COMMD1: variants seen among roughly 807,000 people sequenced by gnomAD.
COMMD1 encodes copper metabolism domain containing 1.
Under a neutral mutation model 17.2 loss-of-function variants are expected in COMMD1, and 10 were observed. That is an observed-to-expected ratio of 0.58 (90% CI 0.36 to 0.99). The LOEUF (loss-of-function observed/expected upper bound fraction) is 0.99, where lower values mean the gene tolerates loss of function less well. Ranked by LOEUF, COMMD1 falls within the 50% of genes least tolerant of loss-of-function variation. The pLI is 0.01. For synonymous variants in COMMD1, 97 were observed against 91.6 expected (o/e 1.06, Z -0.34); for missense variants, 270 against 231.8 (o/e 1.17, Z -1.07).
At chr2:62,079,499 A>G (rs1439958524) in intron 2 of COMMD1, among the ~76,000 whole-genome samples, 1 of 152,190 alleles carries the variant, frequency 6.6e-6, no homozygotes, top group Non-Finnish European at 1.5e-5. Flanking sequence ...CTTCACCGGA[A>G]ACATCTAGAG....
chr2:62,110,309 G>A (rs1347400580), intron 2 of COMMD1, among the ~76,000 whole-genome samples: 6 of 152,002 alleles, frequency 3.9e-5, no homozygotes, highest in Non-Finnish European at 1.5e-5. Flanking sequence ...AGGCTCAAGC[G>A]ATCTTCCTGC....
intron 1 of COMMD1, among the ~76,000 whole-genome samples, chr2:61,894,909 G>A (rs1036839742): frequency 6.6e-6 from 1 of 152,004 alleles, no homozygotes; most frequent in African/African-American, 2.4e-5. Context: ...CGTTGGCCAG[G>A]CTGGTCTCAA....
chr2:62,016,206 C>CTTTTTTT (rs769583167), intron 2 of COMMD1, among the ~76,000 whole-genome samples: 15 of 112,252 alleles, frequency 1.3e-4, no homozygotes, highest in Non-Finnish European at 1.8e-4. Context: ...CTTTTCTTTT[C>CTTTTTTT]TTTTTTTTTT....
chr2:61,955,954 T>G (rs1442574428), intron 1 of COMMD1, among the ~76,000 whole-genome samples: 1 of 152,232 alleles, frequency 6.6e-6, no homozygotes, highest in South Asian at 2.1e-4. Flanking sequence ...CCCAAAGTGC[T>G]GGGATCACAG....
intron 2 of COMMD1, among the ~76,000 whole-genome samples, chr2:62,019,327 C>G (rs1339128038): frequency 6.6e-6 from 1 of 151,836 alleles, no homozygotes; most frequent in East Asian, 1.9e-4. Context: ...GCACCCACCG[C>G]CACACCCAGC....
intron 2 of COMMD1, among the ~76,000 whole-genome samples, chr2:62,054,593 C>A (rs1053950293): frequency 1.1e-4 from 17 of 152,098 alleles, no homozygotes; most frequent in African/African-American, 3.9e-4. Flanking sequence ...TTAAGTGAAA[C>A]AAGCCAGGCA....
Position 61,947,191 on chromosome 2 carries a change from A to G in COMMD1, c.180+41333A>G, listed in dbSNP as rs933961876. 2.6e-5 allele frequency among the ~76,000 whole-genome samples: 4 copies of G among 152,224 alleles called. No homozygotes were observed. The South Asian group carries it at 6.2e-4, about 24-fold the overall frequency. On this transcript the variant is annotated intron_variant, in intron 1 of 2. Coordinates refer to ENST00000311832, the MANE Select transcript of COMMD1 (RefSeq NM_152516.4). ...CTTTAGTTTCTCTATAAAAATAAGT[A>G]CTAAAAGCATATATAATTTAAACTT...
intron 1 of COMMD1, among the ~76,000 whole-genome samples, chr2:61,914,757 C>T (rs1670006695): frequency 6.6e-6 from 1 of 151,718 alleles, no homozygotes; most frequent in Non-Finnish European, 1.5e-5. Context: ...GTGGTGCAAA[C>T]TTGGCTCACT....
chr2:62,003,230 C>CAAAAAAAA (rs755266437), intron 2 of COMMD1, among the ~76,000 whole-genome samples: 1 of 129,762 alleles, frequency 7.7e-6, no homozygotes, highest in African/African-American at 3.1e-5. Flanking sequence ...GGCGCTGTCT[C>CAAAAAAAA]AAAAAAAAAA....
chr2:61,950,236 G>T (rs1316936773), intron 1 of COMMD1, among the ~76,000 whole-genome samples: 1 of 152,134 alleles, frequency 6.6e-6, no homozygotes, highest in Non-Finnish European at 1.5e-5. Flanking sequence ...TGGGATTTCA[G>T]TTGCAGTTTC....
At chr2:62,095,319 A>G (rs1184970757) in intron 2 of COMMD1, among the ~76,000 whole-genome samples, 1 of 152,232 alleles carries the variant, frequency 6.6e-6, no homozygotes, top group Non-Finnish European at 1.5e-5. Flanking sequence ...TAAACACTCC[A>G]CAAACCTCCC....
chr2:62,052,522 T>G (rs1168730435), intron 2 of COMMD1, among the ~76,000 whole-genome samples: 1 of 152,126 alleles, frequency 6.6e-6, no homozygotes, highest in Non-Finnish European at 1.5e-5. Flanking sequence ...ACATCACACA[T>G]CAGGTAATAG....
rs927982666 is a variant in COMMD1, at chr2:62,133,832, CT to C, written c.463-1990del. Among the ~76,000 whole-genome samples, 3 of 151,248 alleles carry C rather than the reference CT, an allele frequency of 2.0e-5. No homozygotes were observed. In the East Asian group the frequency reaches 5.8e-4, roughly 29 times the overall value. ...GGATTTATGGCAGTTCTCACCCTCT[CT>C]TTTTTTTTGAGACAAGGTCTCACCA... On this transcript the variant is annotated intron_variant, in intron 2 of 2. Coordinates refer to ENST00000311832, the MANE Select transcript of COMMD1 (RefSeq NM_152516.4).
At chr2:62,044,596 T>C (rs1670328683) in intron 2 of COMMD1, among the ~76,000 whole-genome samples, 1 of 152,232 alleles carries the variant, frequency 6.6e-6, no homozygotes, top group African/African-American at 2.4e-5. Flanking sequence ...AGTAGCTTAT[T>C]TGTCTTCCTG....
chr2:61,957,087 C>CGTGT (rs10679710), intron 1 of COMMD1, among the ~76,000 whole-genome samples: 71,845 of 146,660 alleles, frequency 0.49, 17,761 homozygotes, highest in Non-Finnish European at 0.54. Context: ...AAGATGGATG[C>CGTGT]GTGTGTGTGT....
At chr2:62,083,516 T>C (rs1671582176) in intron 2 of COMMD1, among the ~76,000 whole-genome samples, 1 of 152,252 alleles carries the variant, frequency 6.6e-6, no homozygotes, top group South Asian at 2.1e-4. Context: ...ACAGTAGTCT[T>C]TTCTCTCTGT....
At chr2:61,973,318 TATAG>T in intron 1 of COMMD1, among the ~76,000 whole-genome samples, 1 of 152,336 alleles carries the variant, frequency 6.6e-6, no homozygotes, top group South Asian at 2.1e-4. Context: ...CTTAAATTTT[TATAG>T]ATAATGCCAA....
At chr2:62,036,127 T>C (rs965905480) in intron 2 of COMMD1, among the ~76,000 whole-genome samples, 1 of 152,088 alleles carries the variant, frequency 6.6e-6, no homozygotes, top group African/African-American at 2.4e-5. Context: ...GGTGTAGGGA[T>C]TTTTTTCTTC....
chr2:61,954,162 T>C (rs1012139022), intron 1 of COMMD1, among the ~76,000 whole-genome samples: 1 of 152,042 alleles, frequency 6.6e-6, no homozygotes, highest in African/African-American at 2.4e-5. Context: ...TGAGCCGAGA[T>C]TGCGCCACTG....
Sources: gnomAD v4.1 joint callset for allele counts (sites outside exome capture counted in the v4.1 genomes callset) on GRCh38, gnomAD v4.1.1 for gene constraint, MANE v1.5 for transcripts, NCBI Gene and HGNC (gene_info 2026-07-23, HGNC 2026-07-21) for gene names.